The following USP22 variants were observed in gnomAD, a reference collection of about 807,000 sequenced individuals.
USP22 encodes ubiquitin carboxyl-terminal hydrolase 22.
Under a neutral mutation model 68.1 loss-of-function variants are expected in USP22, and 22 were observed. The ratio of observed to expected loss-of-function variants is 0.32; its 90% CI spans 0.23 to 0.46. USP22 has a LOEUF of 0.46. Among genes scored for constraint, USP22 ranks in the 20% least tolerant of loss-of-function variants. The pLI, the probability that USP22 is intolerant of heterozygous loss-of-function variation, is 1.00. For synonymous variants in USP22, 279 were observed against 274.2 expected (o/e 1.02, Z -0.17); for missense variants, 433 against 695.8 (o/e 0.62, Z 4.25).
intron 1 of USP22, among the ~76,000 whole-genome samples, chr17:21,037,793 G>A (rs1362661363): frequency 6.6e-6 from 1 of 152,172 alleles, no homozygotes; most frequent in Non-Finnish European, 1.5e-5. Flanking sequence ...AAGTAAAAGC[G>A]GGGAAATCTG....
intron 1 of USP22, among the ~76,000 whole-genome samples, chr17:21,033,674 G>C (rs1170867864): frequency 2.0e-5 from 3 of 152,128 alleles, no homozygotes; most frequent in Non-Finnish European, 4.4e-5. Flanking sequence ...TCTTAGGAAG[G>C]TAAGTTTAAT....
chr17:21,043,308 C>CCCGCCCCG (rs1972475092), upstream of USP22: 2 of 75,186 alleles, frequency 2.7e-5, 1 homozygote, highest in Non-Finnish European at 6.4e-5. Context: ...CACCCCCCCC[C>CCCGCCCCG]CCCCCCCGGC....
intron 3 of USP22, among the ~76,000 whole-genome samples, chr17:21,019,497 G>A (rs777751889): frequency 6.6e-6 from 1 of 152,258 alleles, no homozygotes; most frequent in African/African-American, 2.4e-5. Context: ...TCAGCACAGA[G>A]ATGGCAGCAT....
In USP22 at chr17:21,002,714, CTG is replaced by C. The variant is rs1341610031; in HGVS notation, c.*315_*316del. ...TGGGGAACGCCAGGCAGCGGTCACT[CTG>C]TGCTGTGAGGCCCCCGTTGCACCCC... On this transcript the variant is annotated 3_prime_UTR_variant, in exon 13 of 13. Transcript: ENST00000261497. 1 of 353,816 alleles carries C rather than the reference CTG, an allele frequency of 2.8e-6. No homozygotes were observed. Among genetic ancestry groups the C allele is most frequent in the African/African-American group, 2.1e-5 (1 of 47,310 alleles). 21.9% of individuals were successfully genotyped at this position (353,816 alleles called of 1,614,324 possible).
chr17:21,012,623 C>T (rs1914004955), intron 7 of USP22, among the ~76,000 whole-genome samples: 1 of 151,800 alleles, frequency 6.6e-6, no homozygotes, highest in Admixed American at 6.6e-5. Flanking sequence ...ACACGAAGGG[C>T]TCGCATCCCG....
Position 21,002,937 on chromosome 17 carries a change from G to A in USP22, c.*94C>T. The A allele has an allele frequency of 6.7e-7, 1 of 1,494,892 alleles. No homozygotes were observed. The highest frequency in any genetic ancestry group is 1.1e-5 in the South Asian group (1 of 87,280). The allele number at this position is 1,494,892 out of a possible 1,614,324, so 92.6% of individuals were successfully genotyped here. On this transcript the variant is annotated 3_prime_UTR_variant, in exon 13 of 13. Transcript: ENST00000261497. ...GTGGTGTCACCAGGCCGGGGAGGCG[G>A]CGGGAGACTTGGGGGAGGGGGGGGC...
chr17:21,015,737 G>C lies in USP22; in HGVS notation c.838+15C>G, dbSNP rs1383723843. ...ACATCCTGCCCTGGTGGAGGGTGCA[G>C]AGCCCAGGGCCCACCTTTGCAGTGT... On this transcript the variant is annotated intron_variant, in intron 6 of 12. Transcript: ENST00000261497. 6.2e-7 allele frequency: 1 copy of C among 1,609,332 alleles called. No homozygotes were observed. Among genetic ancestry groups the C allele is most frequent in the African/African-American group, 1.3e-5 (1 of 74,732 alleles).
chr17:21,030,501 A>G (rs529629762), intron 1 of USP22, among the ~76,000 whole-genome samples: 1 of 152,310 alleles, frequency 6.6e-6, no homozygotes, highest in South Asian at 2.1e-4. Context: ...TAAACGGGAA[A>G]AGATTACCTC....
intron 10 of USP22, 104 bp downstream of exon 10, chr17:21,006,792 T>C: frequency 2.1e-6 from 2 of 935,008 alleles, no homozygotes; most frequent in African/African-American, 1.7e-5. Flanking sequence ...CGGGAGCCAC[T>C]GCACCCGGCC....
At chr17:21,042,441 G>A (rs1241018333) in intron 1 of USP22, among the ~76,000 whole-genome samples, 4 of 136,590 alleles carry the variant, frequency 2.9e-5, no homozygotes, top group South Asian at 2.4e-4. Flanking sequence ...GGGGAGAGGG[G>A]AAGGATAGGA....
chr17:21,016,176 C>A (rs1417217609), intron 5 of USP22, among the ~76,000 whole-genome samples: 1 of 152,158 alleles, frequency 6.6e-6, no homozygotes, highest in African/African-American at 2.4e-5. Context: ...AGATCACATG[C>A]AAATAAAAGT....
intron 2 of USP22, among the ~76,000 whole-genome samples, chr17:21,023,836 G>A (rs1174598711): frequency 6.6e-6 from 1 of 152,036 alleles, no homozygotes; most frequent in Non-Finnish European, 1.5e-5. Flanking sequence ...TTTCCCCTGC[G>A]GTAAGATGCT....
At chr17:21,007,323 C>T (rs1913811735) in intron 9 of USP22, among the ~76,000 whole-genome samples, 1 of 152,166 alleles carries the variant, frequency 6.6e-6, no homozygotes, top group Admixed American at 6.5e-5. Context: ...TTCCTTTCAC[C>T]AGACAGAAGA....
At chr17:21,033,768 GAGA>G (rs1443876780) in intron 1 of USP22, among the ~76,000 whole-genome samples, 10 of 120,374 alleles carry the variant, frequency 8.3e-5, no homozygotes, top group South Asian at 2.6e-4. Context: ...TTTTTTTTTT[GAGA>G]AGGAGTCTTG....
chr17:21,019,207 C>T (rs1972124333), intron 3 of USP22, 22 bp from the exon 4 acceptor site: 2 of 1,608,684 alleles, frequency 1.2e-6, no homozygotes, highest in Admixed American at 3.3e-5. Context: ...AAGGACAGTT[C>T]CAAGCGCTAT....
rs756791542 is a variant in USP22, at chr17:21,018,003, C to T, written c.629G>A (p.Arg210His). Reference sequence around the variant, plus strand: ...GGAGCTGGGGCTCTGCATCTCACAGCGGTGCCTGTCAGACAGGAAGAAGTC... The same window carrying T: ...GGAGCTGGGGCTCTGCATCTCACAGTGGTGCCTGTCAGACAGGAAGAAGTC... ...LRDFFLSDRH[R>H]CEMQSPSSCL... The change falls in exon 5 of 13, where the codon CGC becomes CAC. Residue 210 changes from arginine (R) to histidine (H), a missense_variant. Physicochemically the swap from Arg to His is conservative, Grantham distance 29. Around this residue, in one of 4 missense-constraint regions of USP22, gnomAD observed 144 missense variants for 237.2 expected, o/e 0.61. Coordinates refer to ENST00000261497, the MANE Select transcript of USP22 (RefSeq NM_015276.2). 5 of 1,613,976 alleles carry T rather than the reference C, an allele frequency of 3.1e-6. No homozygotes were observed. Among genetic ancestry groups the T allele is most frequent in the African/African-American group, 1.3e-5 (1 of 74,900 alleles).
At chr17:21,009,972 T>C (rs369075869) in intron 8 of USP22, among the ~76,000 whole-genome samples, 3 of 142,476 alleles carry the variant, frequency 2.1e-5, no homozygotes, top group East Asian at 2.0e-4. Context: ...AAAAAAAAAT[T>C]AAAAAAAAAA....
chr17:21,037,019 G>C (rs1972366451), intron 1 of USP22, among the ~76,000 whole-genome samples: 1 of 152,178 alleles, frequency 6.6e-6, no homozygotes, highest in Non-Finnish European at 1.5e-5. Flanking sequence ...AAGTAAGGAA[G>C]TGCTCAAAAA....
chr17:21,043,123 A>ACACCCCCCCCCC (rs1972466791), upstream of USP22: 2 of 18,886 alleles, frequency 1.1e-4, no homozygotes, highest in Admixed American at 5.7e-4. Flanking sequence ...AGATTACGTC[A>ACACCCCCCCCCC]CCCCCCCCCC....
Sources: gnomAD v4.1 joint callset for allele counts (sites outside exome capture counted in the v4.1 genomes callset) on GRCh38, gnomAD v4.1.1 for gene constraint, gnomAD v4.1.1 regional missense constraint, MANE v1.5 for transcripts, NCBI Gene and HGNC (gene_info 2026-07-23, HGNC 2026-07-21) for gene names.